HCN1: variants seen among roughly 807,000 people sequenced by gnomAD.
The protein encoded by HCN1 is hyperpolarization activated cyclic nucleotide gated potassium channel 1.
HCN1 carries 13 observed loss-of-function variants against 78.9 expected under a neutral mutation model. The ratio of observed to expected loss-of-function variants is 0.16; its 90% CI spans 0.11 to 0.26. The LOEUF (loss-of-function observed/expected upper bound fraction) is 0.26. HCN1 is among the 10% of genes least tolerant of loss of function. HCN1 has a pLI of 1.00. For missense variants in HCN1, 810 were observed against 1,154.3 expected, an observed-to-expected ratio of 0.70 and a Z score of 4.32; for synonymous variants, 552 against 455.5, an observed-to-expected ratio of 1.21 and a Z score of -2.70.
At chr5:45,318,556 T>C (rs1350198248) in intron 5 of HCN1, among the ~76,000 whole-genome samples, 2 of 150,744 alleles carry the variant, frequency 1.3e-5, no homozygotes, top group South Asian at 2.1e-4. Flanking sequence ...AGAACTTGTA[T>C]AATAAAAAGA....
At chr5:45,302,212 T>C (rs1745641179) in intron 6 of HCN1, among the ~76,000 whole-genome samples, 1 of 152,044 alleles carries the variant, frequency 6.6e-6, no homozygotes, top group Non-Finnish European at 1.5e-5. Flanking sequence ...ACGTGGATCA[T>C]GGTAATGGGT....
intron 2 of HCN1, among the ~76,000 whole-genome samples, chr5:45,555,315 C>T (rs1451671428): frequency 6.6e-6 from 1 of 151,526 alleles, no homozygotes; most frequent in Non-Finnish European, 1.5e-5. Flanking sequence ...AAATACAATA[C>T]TTAGGAACAA....
chr5:45,589,045 G>C (rs900504715), intron 2 of HCN1, among the ~76,000 whole-genome samples: 3 of 152,180 alleles, frequency 2.0e-5, no homozygotes, highest in Non-Finnish European at 4.4e-5. Flanking sequence ...GTGGTTCTGA[G>C]AGAGAGCTTT....
chr5:45,273,963 G>A (rs1267534584), intron 6 of HCN1, among the ~76,000 whole-genome samples: 21 of 152,054 alleles, frequency 1.4e-4, no homozygotes, highest in Admixed American at 1.2e-3. Context: ...AATAGAAATC[G>A]AAAGAAGTTT....
At chr5:45,272,543 C>T (rs909025669) in intron 6 of HCN1, among the ~76,000 whole-genome samples, 1 of 151,970 alleles carries the variant, frequency 6.6e-6, no homozygotes, top group Non-Finnish European at 1.5e-5. Flanking sequence ...TTTAAAAATG[C>T]TTATGCATAC....
chr5:45,538,078 G>A (rs1743007960), intron 2 of HCN1, among the ~76,000 whole-genome samples: 1 of 151,340 alleles, frequency 6.6e-6, no homozygotes, highest in African/African-American at 2.4e-5. Flanking sequence ...TGTTAAGAAA[G>A]GGGTGCAAAA....
intron 3 of HCN1, among the ~76,000 whole-genome samples, chr5:45,428,398 C>A (rs1352973074): frequency 6.6e-6 from 1 of 151,914 alleles, no homozygotes; most frequent in Non-Finnish European, 1.5e-5. Context: ...ACTTTCCCTT[C>A]TTCTTTATCA....
intron 2 of HCN1, 21 bp from the exon 3 acceptor site, chr5:45,462,028 T>C (rs1403573736): frequency 6.2e-7 from 1 of 1,601,122 alleles, no homozygotes; most frequent in South Asian, 1.1e-5. Flanking sequence ...AAATATAAAA[T>C]CAATTCTTAT....
chr5:45,263,028 G>T (rs910124392), intron 7 of HCN1, among the ~76,000 whole-genome samples: 6 of 152,112 alleles, frequency 3.9e-5, no homozygotes, highest in African/African-American at 1.4e-4. Flanking sequence ...CAAGTTGAAC[G>T]GCCTGTAATA....
chr5:45,511,081 T>C (rs1742406084), intron 2 of HCN1, among the ~76,000 whole-genome samples: 1 of 152,058 alleles, frequency 6.6e-6, no homozygotes, highest in Non-Finnish European at 1.5e-5. Flanking sequence ...ACACCTCCAG[T>C]AGCAATGAGT....
At chr5:45,666,867 C>A (rs1267548578) in intron 1 of HCN1, among the ~76,000 whole-genome samples, 1 of 151,812 alleles carries the variant, frequency 6.6e-6, no homozygotes, top group East Asian at 1.9e-4. Flanking sequence ...TTGTTTGGGG[C>A]ACCTCAATAT....
At chr5:45,484,335 G>A (rs1741716565) in intron 2 of HCN1, among the ~76,000 whole-genome samples, 1 of 152,106 alleles carries the variant, frequency 6.6e-6, no homozygotes, top group African/African-American at 2.4e-5. Context: ...CTTGGAGGCT[G>A]GGGCAGCAGA....
At chr5:45,531,047 C>T (rs1207814923) in intron 2 of HCN1, among the ~76,000 whole-genome samples, 2 of 150,482 alleles carry the variant, frequency 1.3e-5, no homozygotes, top group African/African-American at 2.4e-5. Context: ...TAAAGAAATG[C>T]TAACACACAT....
intron 3 of HCN1, among the ~76,000 whole-genome samples, chr5:45,419,372 A>G (rs1448239186): frequency 6.6e-6 from 1 of 152,148 alleles, no homozygotes; most frequent in Non-Finnish European, 1.5e-5. Flanking sequence ...AAAGAAGCAC[A>G]CAAGAGTGTG....
At chr5:45,297,984 G>GAAA (rs34697538) in intron 6 of HCN1, among the ~76,000 whole-genome samples, 11 of 150,958 alleles carry the variant, frequency 7.3e-5, no homozygotes, top group South Asian at 6.3e-4. Flanking sequence ...AAGAACATCT[G>GAAA]AAAAAAAAAC....
At chr5:45,655,989 A>G (rs562660601) in intron 1 of HCN1, among the ~76,000 whole-genome samples, 10 of 152,280 alleles carry the variant, frequency 6.6e-5, no homozygotes, top group African/African-American at 2.2e-4. Flanking sequence ...GTATTGTTCT[A>G]AGTACTGTGA....
intron 3 of HCN1, among the ~76,000 whole-genome samples, chr5:45,399,988 T>C (rs1184072000): frequency 6.6e-6 from 1 of 152,160 alleles, no homozygotes. Context: ...TGAAAATGTA[T>C]AATACTCAGA....
intron 4 of HCN1, among the ~76,000 whole-genome samples, chr5:45,371,367 G>A (rs1263116718): frequency 1.3e-5 from 2 of 151,748 alleles, no homozygotes; most frequent in African/African-American, 2.4e-5. Context: ...AATAACATAA[G>A]TCGATAGACC....
At chr5:45,373,201 AT>A (rs1451559242) in intron 4 of HCN1, among the ~76,000 whole-genome samples, 1 of 123,020 alleles carries the variant, frequency 8.1e-6, no homozygotes, top group African/African-American at 3.2e-5. Flanking sequence ...TATTTTATAT[AT>A]TTTATATATG....
Sources: allele counts gnomAD v4.1 joint callset (sites outside exome capture counted in the v4.1 genomes callset), GRCh38; gene constraint gnomAD v4.1.1; transcripts MANE v1.5; gene names NCBI Gene and HGNC (gene_info 2026-07-23, HGNC 2026-07-21).